The following HHIPL1 variants were observed in gnomAD, a reference collection of about 807,000 sequenced individuals.
The protein encoded by HHIPL1 is HHIP-like protein 1.
HHIPL1 carries 43 observed loss-of-function variants against 61.8 expected under a neutral mutation model. The observed-to-expected ratio is 0.70, with a 90% confidence interval of 0.55 to 0.90. The LOEUF (loss-of-function observed/expected upper bound fraction) is 0.90, where lower values mean the gene tolerates loss of function less well. Ranked by LOEUF, HHIPL1 falls within the 40% of genes least tolerant of loss-of-function variation. HHIPL1 has a pLI of 0.00. For synonymous variants in HHIPL1, 482 were observed against 515.8 expected, an observed-to-expected ratio of 0.93 and a Z score of 0.89; for missense variants, 1,056 against 1,157.7, an observed-to-expected ratio of 0.91 and a Z score of 1.28.
chr14:99,613,530 G>A, the HHIPL1 span, among the ~76,000 whole-genome samples: 1 of 151,852 alleles, frequency 6.6e-6, no homozygotes, highest in African/African-American at 2.4e-5. Flanking sequence ...GAACTCCTGG[G>A]CTCAAGTGAT....
Position 99,675,055 on chromosome 14 carries a change from TG to T in HHIPL1, c.1814-33del. 9.0e-7 allele frequency: 1 copy of T among 1,111,316 alleles called. No homozygotes were observed. Among genetic ancestry groups the T allele is most frequent in the Non-Finnish European group, 1.1e-6 (1 of 896,468 alleles). 68.8% of individuals were successfully genotyped at this position (1,111,316 alleles called of 1,614,324 possible). A position where few individuals can be genotyped will look rare whatever the true frequency, so the allele number is the denominator to read the frequency against. On this transcript the variant is annotated intron_variant, in intron 8 of 8. Transcript: ENST00000330710. The surrounding 1 kb of genome is among the most constrained non-coding windows in gnomAD (Gnocchi z 5.4). The stretch of plus-strand genomic sequence containing the variant: ...GGCAGCAGGGCTGGACAGGGGCGCC[TG>T]GGTCCCTCTGACGGCATACTCTTCC...
At chr14:99,669,133 A>C (rs1260380241) in intron 7 of HHIPL1, 3 of 1,385,410 alleles carry the variant, frequency 2.2e-6, no homozygotes, top group Non-Finnish European at 2.8e-6. Flanking sequence ...CCTGGGCTAC[A>C]CGACTGACTC....
rs2056382267 is a variant in HHIPL1, at chr14:99,675,587, T to C, written c.2310T>C (p.Asp770=). 3 of 1,532,444 alleles carry C rather than the reference T, an allele frequency of 2.0e-6. No homozygotes were observed. In the East Asian group the frequency reaches 7.4e-5, roughly 38 times the overall value. The allele number at this position is 1,532,444 out of a possible 1,614,324, so 94.9% of individuals were successfully genotyped here. A position where few individuals can be genotyped will look rare whatever the true frequency, so the allele number is the denominator to read the frequency against. ...CCCACAACTGCGAGCACGACGAGGA[T>C]GCGGGCGTCGTGTGCAGCCACCAGA... ...VGTHNCEHDE[D]AGVVCSHQNP... The change falls in exon 9 of 9, where the codon GAT becomes GAC. Residue 770 remains aspartate (D), a synonymous_variant. Transcript: ENST00000330710. The surrounding 1 kb of genome is among the most constrained non-coding windows in gnomAD (Gnocchi z 5.4).
Position 99,645,230 on chromosome 14 carries a change from C to T in HHIPL1, c.23C>T (p.Ala8Val). The change falls in exon 1 of 9, where the codon GCG becomes GTG. Residue 8 changes from alanine to valine, a missense_variant. By Grantham distance (64) the Ala-to-Val change is moderately conservative (BLOSUM62 0). Transcript: ENST00000330710. The stretch of plus-strand genomic sequence containing the variant: ...GCGATGGCCCGGGCCAGGGCCGGGG[C>T]GCTGCTGGCGCTTTGGGTGCTCGGG... MARARAG[A>V]LLALWVLGAA... 4 of 1,328,212 alleles carry T rather than the reference C, an allele frequency of 3.0e-6. No homozygotes were observed. In the South Asian group the frequency reaches 5.9e-5, roughly 20 times the overall value. 82.3% of individuals were successfully genotyped at this position (1,328,212 alleles called of 1,614,324 possible). A position where few individuals can be genotyped will look rare whatever the true frequency, so the allele number is the denominator to read the frequency against.
the HHIPL1 span, among the ~76,000 whole-genome samples, chr14:99,629,640 G>C: frequency 2.7e-5 from 4 of 147,344 alleles, no homozygotes; most frequent in Admixed American, 2.8e-4. Context: ...TGGGATTACA[G>C]GTGCGTGCCA....
the HHIPL1 span, among the ~76,000 whole-genome samples, chr14:99,631,080 CTTTCTT>C: frequency 6.8e-6 from 1 of 147,778 alleles, no homozygotes; most frequent in African/African-American, 2.6e-5. Flanking sequence ...TTCTTTCTTT[CTTTCTT>C]TCTTTCTTTC....
upstream of HHIPL1, among the ~76,000 whole-genome samples, chr14:99,640,949 C>A (rs925559052): frequency 7.9e-6 from 1 of 125,808 alleles, no homozygotes; most frequent in South Asian, 2.6e-4. Context: ...TGCAATGGTG[C>A]GATCTTGGCT....
At chr14:99,659,824 C>A (rs2056116838) in intron 4 of HHIPL1, 68 bp downstream of exon 4, 2 of 802,576 alleles carry the variant, frequency 2.5e-6, no homozygotes, top group East Asian at 3.9e-5. Context: ...TGCTGTGCCG[C>A]AGGGCCTCCC....
chr14:99,643,340 C>T (rs893606269), upstream of HHIPL1, among the ~76,000 whole-genome samples: 4 of 152,222 alleles, frequency 2.6e-5, no homozygotes, highest in African/African-American at 4.8e-5. Flanking sequence ...GTGCCCGGCT[C>T]CTGACTGTGA....
intron 1 of HHIPL1, among the ~76,000 whole-genome samples, chr14:99,649,987 C>T (rs2055900194): frequency 6.6e-6 from 1 of 152,204 alleles, no homozygotes; most frequent in Admixed American, 6.5e-5. Context: ...TGCTCACTGG[C>T]AGAGGGGAGC....
chr14:99,637,355 A>T, the HHIPL1 span, among the ~76,000 whole-genome samples: 1 of 152,302 alleles, frequency 6.6e-6, no homozygotes, highest in Admixed American at 6.5e-5. Context: ...TGAGGTCAGG[A>T]GTTTGAAACA....
intron 1 of HHIPL1, among the ~76,000 whole-genome samples, chr14:99,651,320 G>C (rs898221139): frequency 6.6e-6 from 1 of 152,120 alleles, no homozygotes; most frequent in Non-Finnish European, 1.5e-5. Flanking sequence ...AAGAAAAGAG[G>C]TTTAATGGGC....
rs2056246027 is a variant in HHIPL1 at position 99,666,390 on chromosome 14, T to C, written c.1649-1832T>C. On this transcript the variant is annotated intron_variant, in intron 6 of 8. Coordinates refer to ENST00000330710, the MANE Select transcript of HHIPL1 (RefSeq NM_001127258.3). ...TGGCAGCATCCGCAGGGGCTCCCTG[T>C]GTGTGCAGAGGGTTGGGGGCTACAG... 2.6e-5 allele frequency among the ~76,000 whole-genome samples: 4 copies of C among 152,178 alleles called. 1 individual carries two copies. The South Asian group carries it at 8.3e-4, about 32-fold the overall frequency.
At chr14:99,659,805 C>G in intron 4 of HHIPL1, 49 bp downstream of exon 4, 1 of 1,300,644 alleles carries the variant, frequency 7.7e-7, no homozygotes, top group Non-Finnish European at 9.8e-7. Flanking sequence ...GCCCCCACCC[C>G]ACCCCACCTG....
chr14:99,610,197 A>G, the HHIPL1 span, among the ~76,000 whole-genome samples: 3 of 152,182 alleles, frequency 2.0e-5, no homozygotes, highest in African/African-American at 7.2e-5. Flanking sequence ...GGGGAAACTG[A>G]GTCAGGGGAG....
the HHIPL1 span, among the ~76,000 whole-genome samples, chr14:99,629,010 G>A: frequency 6.6e-6 from 1 of 152,328 alleles, no homozygotes; most frequent in African/African-American, 2.4e-5. Flanking sequence ...CAAGACCGGC[G>A]GCACCAAGGG....
chr14:99,633,965 A>G, the HHIPL1 span, among the ~76,000 whole-genome samples: 3 of 152,214 alleles, frequency 2.0e-5, no homozygotes, highest in Admixed American at 6.5e-5. Context: ...GCCTGTCTCC[A>G]TGCAGGGCTG....
chr14:99,633,779 A>G, the HHIPL1 span, among the ~76,000 whole-genome samples: 1 of 152,226 alleles, frequency 6.6e-6, no homozygotes, highest in East Asian at 1.9e-4. Flanking sequence ...CCCATCTGTA[A>G]CATGGCAGCC....
the HHIPL1 span, among the ~76,000 whole-genome samples, chr14:99,630,745 T>C: frequency 2.6e-3 from 391 of 152,090 alleles, 1 homozygote; most frequent in African/African-American, 9.1e-3. Flanking sequence ...AGACTTTGAT[T>C]CCCTTGCCAT....
Sources: gnomAD v4.1 joint callset for allele counts (sites outside exome capture counted in the v4.1 genomes callset) on GRCh38, gnomAD v4.1.1 for gene constraint, Gnocchi (gnomAD v3.1) non-coding constraint, MANE v1.5 for transcripts, NCBI Gene and HGNC (gene_info 2026-07-23, HGNC 2026-07-21) for gene names.